MYO5A: variants seen among roughly 807,000 people sequenced by gnomAD.
MYO5A encodes the protein myosin VA.
A neutral mutation model predicts 249.7 loss-of-function variants in MYO5A; 98 were observed. That is an observed-to-expected ratio of 0.39 (90% confidence interval 0.33 to 0.46). MYO5A has a LOEUF of 0.46. Ranked by LOEUF, MYO5A falls within the 20% of genes least tolerant of loss-of-function variation. MYO5A has a pLI of 0.98. For missense variants in MYO5A, 1,696 were observed against 2,308.8 expected, an observed-to-expected ratio of 0.73 and a Z score of 5.44; for synonymous variants, 778 against 810.6, an observed-to-expected ratio of 0.96 and a Z score of 0.68.
intron 14 of MYO5A, among the ~76,000 whole-genome samples, chr15:52,387,166 C>T (rs2042006314): frequency 6.6e-6 from 1 of 152,190 alleles, no homozygotes; most frequent in Non-Finnish European, 1.5e-5. Context: ...CCCATTCTTT[C>T]CAGATGGAAG....
chr15:52,328,642 A>G (rs1478897462), intron 35 of MYO5A, among the ~76,000 whole-genome samples: 2 of 152,148 alleles, frequency 1.3e-5, no homozygotes, highest in African/African-American at 2.4e-5. Context: ...CCATACAACA[A>G]TCAGGGCCAT....
chr15:52,424,450 A>G (rs1263179601), intron 4 of MYO5A, among the ~76,000 whole-genome samples: 1 of 152,204 alleles, frequency 6.6e-6, no homozygotes, highest in East Asian at 1.9e-4. Context: ...AGTTGCTATA[A>G]GAATAAAATT....
intron 1 of MYO5A, among the ~76,000 whole-genome samples, chr15:52,512,727 A>G (rs2077417099): frequency 6.6e-6 from 1 of 152,222 alleles, no homozygotes; most frequent in Non-Finnish European, 1.5e-5. Flanking sequence ...GATTTCCTAT[A>G]CTATTTCACA....
chr15:52,476,535 T>C (rs1595755063), intron 1 of MYO5A, among the ~76,000 whole-genome samples: 1 of 152,250 alleles, frequency 6.6e-6, no homozygotes, highest in South Asian at 2.1e-4. Context: ...TGGTACTGGT[T>C]GTTCCTTTCC....
At chr15:52,422,368 G>T (rs2075298986) in intron 4 of MYO5A, among the ~76,000 whole-genome samples, 1 of 152,096 alleles carries the variant, frequency 6.6e-6, no homozygotes, top group African/African-American at 2.4e-5. Flanking sequence ...CAACCTTAAA[G>T]ATCTAAATTA....
intron 1 of MYO5A, among the ~76,000 whole-genome samples, chr15:52,527,831 T>C (rs1356774339): frequency 6.6e-6 from 1 of 152,214 alleles, no homozygotes; most frequent in Non-Finnish European, 1.5e-5. Context: ...AAAGTTCTGT[T>C]GCAAAAGCTA....
At chr15:52,433,965 G>T (rs1437084729) in intron 1 of MYO5A, among the ~76,000 whole-genome samples, 1 of 149,278 alleles carries the variant, frequency 6.7e-6, no homozygotes, top group Non-Finnish European at 1.5e-5. Context: ...TTATGGCTGG[G>T]TTTACAATTT....
rs978938949 is a variant in MYO5A, at chr15:52,436,726, C to T, written c.28-3441G>A. 3.3e-5 allele frequency among the ~76,000 whole-genome samples: 5 copies of T among 152,120 alleles called. No individual in the cohort carries two copies. The South Asian group carries it at 8.3e-4, about 25-fold the overall frequency. On this transcript the variant is annotated intron_variant, in intron 1 of 41. Coordinates refer to ENST00000399233, the MANE Select transcript of MYO5A (RefSeq NM_001382347.1). ...GAGCTGGTGCTTAGTAAGAACTTATCGAAAGAAGATCAGAATAAAAGGCAT... is the reference window on the plus strand; with the variant it reads ...GAGCTGGTGCTTAGTAAGAACTTATTGAAAGAAGATCAGAATAAAAGGCAT...
chr15:52,465,761 T>A (rs993721664), intron 1 of MYO5A, among the ~76,000 whole-genome samples: 4 of 152,172 alleles, frequency 2.6e-5, no homozygotes, highest in African/African-American at 9.7e-5. Context: ...GATGGCTGAC[T>A]AGAGGCTTTT....
chr15:52,524,115 T>C (rs376442644), intron 1 of MYO5A, among the ~76,000 whole-genome samples: 9 of 152,380 alleles, frequency 5.9e-5, no homozygotes, highest in African/African-American at 1.9e-4. Flanking sequence ...CAAGTTAACA[T>C]GCTTTGCAAA....
intron 18 of MYO5A, among the ~76,000 whole-genome samples, chr15:52,378,458 TTG>T (rs1195066722): frequency 7.6e-6 from 1 of 131,714 alleles, no homozygotes; most frequent in African/African-American, 2.8e-5. Context: ...GAGGCGGAGG[TTG>T]CAGTGAGCCG....
At chr15:52,450,855 T>TTTTTTTG (rs1567138433) in intron 1 of MYO5A, among the ~76,000 whole-genome samples, 75 of 144,372 alleles carry the variant, frequency 5.2e-4, no homozygotes, top group African/African-American at 1.8e-3. Flanking sequence ...TTTTTTTTTT[T>TTTTTTTG]TTTTTTTTTT....
chr15:52,374,243 C>T (rs1199232477), intron 20 of MYO5A, among the ~76,000 whole-genome samples: 1 of 152,160 alleles, frequency 6.6e-6, no homozygotes, highest in Non-Finnish European at 1.5e-5. Flanking sequence ...GATTATTTGT[C>T]AAAAACTTTT....
Position 52,405,224 on chromosome 15 carries a change from A to C in MYO5A, c.1053+63T>G, listed in dbSNP as rs185138410. On this transcript the variant is annotated intron_variant, in intron 9 of 41. Transcript: ENST00000399233. ...AGACTTAAACTATATTGCTTCTTTA[A>C]ACAATCTACAAATCTAAAACATAAT... is the stretch of plus-strand genomic sequence containing the variant. 5.8e-5 allele frequency: 71 copies of C among 1,226,682 alleles called. No individual in the cohort carries two copies. The African/African-American group carries it at 1.1e-3, about 18-fold the overall frequency. 76.0% of individuals were successfully genotyped at this position (1,226,682 alleles called of 1,614,324 possible). A position where few individuals can be genotyped will look rare whatever the true frequency, so the allele number is the denominator to read the frequency against.
In MYO5A at chr15:52,405,317, T is replaced by A. The variant is rs1180879218; in HGVS notation, c.1023A>T (p.Thr341=). Residue 341 remains threonine (T), a synonymous_variant, in exon 9 of 42, where the codon ACA becomes ACT. Coordinates refer to ENST00000399233, the MANE Select transcript of MYO5A (RefSeq NM_001382347.1). ...TTGTGCAGCTGTCTGCATCTCGGGA[T>A]GTAAATCCAACATTGCCTAAGTGAA... The part of the protein sequence containing the change: ...GILHLGNVGF[T]SRDADSCTIP... 6.2e-7 allele frequency: 1 copy of A among 1,613,592 alleles called. No homozygotes were observed. Among genetic ancestry groups the A allele is most frequent in the Non-Finnish European group, 8.5e-7 (1 of 1,179,622 alleles).
intron 4 of MYO5A, 119 bp from the exon 5 acceptor site, chr15:52,416,420 T>C (rs2043490148): frequency 3.8e-6 from 4 of 1,040,474 alleles, no homozygotes; most frequent in Non-Finnish European, 5.7e-6. Context: ...TGGTCGATAC[T>C]GGTGCTTATA....
intron 1 of MYO5A, among the ~76,000 whole-genome samples, chr15:52,457,988 G>A (rs567443807): frequency 3.9e-5 from 6 of 152,292 alleles, no homozygotes; most frequent in African/African-American, 1.2e-4. Flanking sequence ...TAAGTTGAGT[G>A]AAATAAACCA....
chr15:52,392,332 T>C (rs113992241), intron 11 of MYO5A, among the ~76,000 whole-genome samples: 7 of 152,198 alleles, frequency 4.6e-5, no homozygotes, highest in Admixed American at 2.6e-4. Flanking sequence ...ATCTTTTGAT[T>C]ATGTATATTT....
chr15:52,352,895 T>C (rs1338123486), intron 27 of MYO5A, among the ~76,000 whole-genome samples: 4 of 152,244 alleles, frequency 2.6e-5, no homozygotes, highest in Non-Finnish European at 4.4e-5. Context: ...TAAAAATGAA[T>C]GCTCTCTCCC....
Sources: gnomAD v4.1 joint callset for allele counts (sites outside exome capture counted in the v4.1 genomes callset) on GRCh38, gnomAD v4.1.1 for gene constraint, MANE v1.5 for transcripts, NCBI Gene and HGNC (gene_info 2026-07-23, HGNC 2026-07-21) for gene names.